LSAMP: variants seen among roughly 807,000 people sequenced by gnomAD.
LSAMP encodes the protein limbic system associated membrane protein.
Under a neutral mutation model 38.6 loss-of-function variants are expected in LSAMP, and 7 were observed. The observed-to-expected ratio is 0.18, with a 90% CI of 0.10 to 0.34. LSAMP has a LOEUF of 0.34. LSAMP is among the 10% of genes least tolerant of loss of function. LSAMP has a pLI of 1.00. For missense variants in LSAMP, 313 were observed against 420.0 expected, an observed-to-expected ratio of 0.75 and a Z score of 2.23; for synonymous variants, 154 against 166.8, an observed-to-expected ratio of 0.92 and a Z score of 0.59.
chr3:116,354,325 G>T (rs763329546), intron 1 of LSAMP, among the ~76,000 whole-genome samples: 2 of 152,120 alleles, frequency 1.3e-5, no homozygotes, highest in Non-Finnish European at 2.9e-5. Context: ...GATGCTACCT[G>T]CCTCTTCATG....
chr3:115,876,635 C>CA (rs908257313), intron 3 of LSAMP, among the ~76,000 whole-genome samples: 2 of 152,204 alleles, frequency 1.3e-5, no homozygotes, highest in African/African-American at 4.8e-5. Flanking sequence ...TTTCTGTCAT[C>CA]ATGATTTTAC....
intron 1 of LSAMP, among the ~76,000 whole-genome samples, chr3:116,237,185 C>T (rs141511840): frequency 3.3e-4 from 50 of 152,138 alleles, no homozygotes; most frequent in African/African-American, 9.4e-4. Flanking sequence ...TACAGTCTTC[C>T]GCACAAAAGC....
chr3:116,049,904 A>G (rs1169589936), intron 2 of LSAMP, among the ~76,000 whole-genome samples: 1 of 152,204 alleles, frequency 6.6e-6, no homozygotes, highest in African/African-American at 2.4e-5. Flanking sequence ...CCTATTTGAC[A>G]GAGAAGCTGT....
At chr3:116,160,420 GA>G in intron 1 of LSAMP, among the ~76,000 whole-genome samples, 1 of 142,884 alleles carries the variant, frequency 7.0e-6, no homozygotes, top group African/African-American at 2.5e-5. Context: ...GAGAGAGAGG[GA>G]GGGAGGGAGG....
At chr3:116,316,493 C>T (rs1401837529) in intron 1 of LSAMP, among the ~76,000 whole-genome samples, 1 of 152,114 alleles carries the variant, frequency 6.6e-6, no homozygotes, top group Non-Finnish European at 1.5e-5. Flanking sequence ...AAGGAAAAGG[C>T]CGGGCGCCGT....
chr3:116,322,773 T>C (rs2047722599), intron 1 of LSAMP, among the ~76,000 whole-genome samples: 1 of 152,052 alleles, frequency 6.6e-6, no homozygotes. Flanking sequence ...AATCTTTATT[T>C]CTTTGTCTTC....
chr3:116,441,871 T>G (rs2049440418), intron 1 of LSAMP, among the ~76,000 whole-genome samples: 1 of 152,232 alleles, frequency 6.6e-6, no homozygotes, highest in Non-Finnish European at 1.5e-5. Flanking sequence ...CCGCCACTAC[T>G]CTGTGAATCA....
intron 1 of LSAMP, among the ~76,000 whole-genome samples, chr3:116,269,140 C>T (rs550180456): frequency 6.6e-6 from 1 of 152,182 alleles, no homozygotes; most frequent in East Asian, 1.9e-4. Context: ...GCTTTAATTA[C>T]TCTCTCAATT....
intron 1 of LSAMP, among the ~76,000 whole-genome samples, chr3:116,184,920 G>A (rs1046967435): frequency 4.0e-5 from 6 of 151,256 alleles, no homozygotes; most frequent in African/African-American, 1.5e-4. Context: ...ACCATTCCAT[G>A]ATCTGTTTGA....
rs950468993 is a variant in LSAMP at position 115,818,574 on chromosome 3, A to T, written c.920-8160T>A. On this transcript the variant is annotated intron_variant, in intron 6 of 6. Transcript: ENST00000490035. ...AATTAGATCAATTAATCAACATACTATACTTACAATGGTGCCAGACACATA... is the reference window on the plus strand; with the variant it reads ...AATTAGATCAATTAATCAACATACTTTACTTACAATGGTGCCAGACACATA... 5.9e-5 allele frequency among the ~76,000 whole-genome samples: 9 copies of T among 151,706 alleles called. No homozygotes were observed. The South Asian group carries it at 6.3e-4, about 11-fold the overall frequency.
At chr3:116,313,317 G>A (rs1377193776) in intron 1 of LSAMP, among the ~76,000 whole-genome samples, 1 of 152,186 alleles carries the variant, frequency 6.6e-6, no homozygotes, top group African/African-American at 2.4e-5. Context: ...TTAGCCTGCT[G>A]CCTGGATAAT....
At chr3:116,163,094 C>T (rs1255796400) in intron 1 of LSAMP, among the ~76,000 whole-genome samples, 1 of 151,242 alleles carries the variant, frequency 6.6e-6, no homozygotes, top group African/African-American at 2.4e-5. Flanking sequence ...TATTATTATA[C>T]TTTAAGTTTT....
intron 3 of LSAMP, among the ~76,000 whole-genome samples, chr3:115,943,193 C>T (rs1394687163): frequency 6.6e-6 from 1 of 152,166 alleles, no homozygotes; most frequent in African/African-American, 2.4e-5. Context: ...TAGGCAGCAG[C>T]ACTGGACTCG....
At chr3:116,248,718 G>A (rs866990316) in intron 1 of LSAMP, among the ~76,000 whole-genome samples, 3 of 152,026 alleles carry the variant, frequency 2.0e-5, no homozygotes, top group Non-Finnish European at 4.4e-5. Flanking sequence ...TCCTTCCCCC[G>A]ACTCACTGAG....
intron 1 of LSAMP, among the ~76,000 whole-genome samples, chr3:116,273,707 T>TATATATATATATATATATATAC (rs1307543165): frequency 6.8e-5 from 7 of 102,650 alleles, no homozygotes; most frequent in African/African-American, 2.8e-4. Context: ...TATATATATA[T>TATATATATATATATATATATAC]ACACACACAC....
intron 1 of LSAMP, among the ~76,000 whole-genome samples, chr3:116,175,009 A>G (rs1710303020): frequency 1.3e-5 from 2 of 152,110 alleles, no homozygotes; most frequent in African/African-American, 4.8e-5. Flanking sequence ...CTCCTCCATC[A>G]ATATGAGGAC....
chr3:115,908,952 C>A (rs1267054620), intron 3 of LSAMP, among the ~76,000 whole-genome samples: 1 of 152,136 alleles, frequency 6.6e-6, no homozygotes, highest in Non-Finnish European at 1.5e-5. Context: ...GTCATCCTTG[C>A]TGTTTGTCTT....
intron 1 of LSAMP, among the ~76,000 whole-genome samples, chr3:116,311,656 C>T (rs1407696282): frequency 2.0e-5 from 3 of 152,248 alleles, no homozygotes; most frequent in Admixed American, 6.5e-5. Context: ...CCTGCCACTA[C>T]GAGCTGGAGG....
chr3:116,369,270 A>C (rs2048398472), intron 1 of LSAMP, among the ~76,000 whole-genome samples: 1 of 152,220 alleles, frequency 6.6e-6, no homozygotes, highest in East Asian at 1.9e-4. Context: ...CAGATGCAGC[A>C]AACAGTTTTA....
Sources: gnomAD v4.1 joint callset for allele counts (sites outside exome capture counted in the v4.1 genomes callset) on GRCh38, gnomAD v4.1.1 for gene constraint, MANE v1.5 for transcripts, NCBI Gene and HGNC (gene_info 2026-07-23, HGNC 2026-07-21) for gene names.